Variants in DHX35 observed in about 807,000 individuals in gnomAD.
The protein encoded by DHX35 is DEAH-box helicase 35.
DHX35 carries 84 observed loss-of-function variants against 99.6 expected under a neutral mutation model. The observed-to-expected ratio is 0.84, with a 90% confidence interval of 0.71 to 1.01. DHX35 has a LOEUF of 1.01. Ranked by LOEUF, DHX35 falls within the 50% of genes least tolerant of loss-of-function variation. The probability of loss-of-function intolerance (pLI) is 0.00; values close to 1 mark genes in which losing one functional copy is unlikely to be tolerated. For missense variants in DHX35, 852 were observed against 888.5 expected, an observed-to-expected ratio of 0.96 and a Z score of 0.52; for synonymous variants, 331 against 316.2, an observed-to-expected ratio of 1.05 and a Z score of -0.50.
intron 18 of DHX35, among the ~76,000 whole-genome samples, chr20:39,027,868 A>G (rs1367183963): frequency 6.6e-6 from 1 of 152,282 alleles, no homozygotes; most frequent in Non-Finnish European, 1.5e-5. Flanking sequence ...TCCTATGGAC[A>G]TCATCTAATA....
chr20:38,974,009 C>G (rs1451890712), intron 3 of DHX35, among the ~76,000 whole-genome samples: 1 of 152,204 alleles, frequency 6.6e-6, no homozygotes. Flanking sequence ...TGTGAACATT[C>G]ATGTGCTTGT....
intron 6 of DHX35, 40 bp from the exon 7 acceptor site, chr20:38,992,315 CT>C (rs752610661): frequency 6.3e-7 from 1 of 1,587,318 alleles, no homozygotes; most frequent in South Asian, 1.1e-5. Flanking sequence ...TGATGTGTGG[CT>C]TTTTTAGAGG....
chr20:39,031,503 A>G (rs2087052866), intron 20 of DHX35, among the ~76,000 whole-genome samples: 1 of 151,850 alleles, frequency 6.6e-6, no homozygotes, highest in Non-Finnish European at 1.5e-5. Flanking sequence ...CGCCTGGCTA[A>G]TTTTTGTATT....
intron 2 of DHX35, among the ~76,000 whole-genome samples, chr20:38,972,030 A>T (rs2086008772): frequency 9.0e-6 from 1 of 110,800 alleles, no homozygotes; most frequent in African/African-American, 3.6e-5. Context: ...TTTTTTTGAG[A>T]CAGAGTCTCA....
intron 21 of DHX35, among the ~76,000 whole-genome samples, chr20:39,037,421 A>G (rs2145956721): frequency 1.3e-5 from 2 of 152,292 alleles, no homozygotes; most frequent in South Asian, 2.1e-4. Flanking sequence ...GCAGATGGAA[A>G]GTCTGAGTTC....
At chr20:39,015,009 T>C (rs895848081) in intron 14 of DHX35, 75 bp downstream of exon 14, 4 of 1,530,790 alleles carry the variant, frequency 2.6e-6, no homozygotes, top group Non-Finnish European at 3.6e-6. Flanking sequence ...ATATTCACTT[T>C]AGGGATTTTA....
intron 21 of DHX35, among the ~76,000 whole-genome samples, chr20:39,034,774 C>CTTTTTTTTTTTTTTTTTTTTTTT (rs59858652): frequency 1.5e-5 from 2 of 135,114 alleles, no homozygotes; most frequent in African/African-American, 2.7e-5. Flanking sequence ...TTTCTTTTTT[C>CTTTTTTTTTTTTTTTTTTTTTTT]TTTTTTTTTT....
At chr20:38,968,340 C>G in intron 1 of DHX35, among the ~76,000 whole-genome samples, 1 of 152,160 alleles carries the variant, frequency 6.6e-6, no homozygotes, top group Non-Finnish European at 1.5e-5. Context: ...CTTTGAGTGC[C>G]CAGTTTCTGT....
Position 39,025,357 on chromosome 20 carries a change from A to C in DHX35, c.1799A>C (p.Glu600Ala). 6.2e-7 allele frequency: 1 copy of C among 1,613,062 alleles called. No individual in the cohort carries two copies. Reference protein sequence around the residue: ...VKFQVPRKSSEGDPDLVLRCI... With the variant: ...VKFQVPRKSSAGDPDLVLRCI... Reference sequence around the variant, plus strand: ...TTTCAAGTGCCCAGGAAGTCTAGTGAAGGTGAGAAGAAACCGTCCCAGCTG... The same window carrying C: ...TTTCAAGTGCCCAGGAAGTCTAGTGCAGGTGAGAAGAAACCGTCCCAGCTG... The change falls in exon 18 of 22, where the codon GAA becomes GCA. Residue 600 changes from glutamate to alanine, a missense_variant and splice_region_variant. Physicochemically the swap from Glu to Ala is moderately radical, Grantham distance 107. Transcript: ENST00000252011.
intron 2 of DHX35, among the ~76,000 whole-genome samples, chr20:38,971,575 T>G (rs1396601148): frequency 6.6e-6 from 1 of 152,162 alleles, no homozygotes; most frequent in East Asian, 1.9e-4. Flanking sequence ...GCTTTGTATA[T>G]TGTCCTTAGT....
At chr20:38,964,231 CA>C (rs2085877168) in intron 1 of DHX35, among the ~76,000 whole-genome samples, 1 of 152,120 alleles carries the variant, frequency 6.6e-6, no homozygotes, top group South Asian at 2.1e-4. Context: ...GCAAAGGGTG[CA>C]GCATGAACAA....
intron 21 of DHX35, among the ~76,000 whole-genome samples, chr20:39,037,046 C>G (rs2087165358): frequency 6.6e-6 from 1 of 152,184 alleles, no homozygotes; most frequent in African/African-American, 2.4e-5. Context: ...GAATGTTGCT[C>G]TCACCCTGTG....
Position 38,988,876 on chromosome 20 carries a change from C to T in DHX35, c.409C>T (p.Arg137Cys), listed in dbSNP as rs745898771. ...VLGHEVGYCI[R>C]FDDCTDQLAT... is the part of the protein sequence containing the mutation. Reference sequence around the variant, plus strand: ...GGGCCACGAGGTGGGCTACTGCATCCGCTTTGATGACTGCACCGACCAGCT... The same window carrying T: ...GGGCCACGAGGTGGGCTACTGCATCTGCTTTGATGACTGCACCGACCAGCT... Residue 137 changes from arginine to cysteine, a missense_variant, in exon 5 of 22, where the codon CGC becomes TGC. Coordinates refer to ENST00000252011, the MANE Select transcript of DHX35 (RefSeq NM_021931.4). The T allele has an allele frequency of 3.7e-5, 59 of 1,613,618 alleles. No homozygotes were observed. The highest frequency in any genetic ancestry group is 5.5e-5 in the South Asian group (5 of 91,066).
rs2086620512 is a variant in DHX35 at position 39,006,453 on chromosome 20, T to A, written c.1222+97T>A. On this transcript the variant is annotated intron_variant, in intron 12 of 21. Coordinates refer to ENST00000252011, the MANE Select transcript of DHX35 (RefSeq NM_021931.4). ...TTACTCCTAATGGTAGAACTTAACA[T>A]AAAATACAGGCCTTCCTCACAAGGC... 7.6e-6 allele frequency: 10 copies of A among 1,324,292 alleles called. 1 individual carries two copies. Among genetic ancestry groups the A allele is most frequent in the East Asian group, 4.7e-5 (2 of 42,466 alleles). 82.0% of individuals were successfully genotyped at this position (1,324,292 alleles called of 1,614,324 possible).
intron 18 of DHX35, among the ~76,000 whole-genome samples, chr20:39,027,238 G>T (rs2086971441): frequency 6.6e-6 from 1 of 152,168 alleles, no homozygotes; most frequent in Non-Finnish European, 1.5e-5. Flanking sequence ...TATCAGCTCA[G>T]TGCTTAGGAA....
At chr20:38,969,533 C>T (rs918756206) in intron 2 of DHX35, among the ~76,000 whole-genome samples, 7 of 152,136 alleles carry the variant, frequency 4.6e-5, no homozygotes, top group African/African-American at 1.7e-4. Flanking sequence ...CAGTTAATTT[C>T]TATATAACAG....
At chr20:38,972,236 C>T (rs2086012539) in intron 2 of DHX35, among the ~76,000 whole-genome samples, 1 of 152,086 alleles carries the variant, frequency 6.6e-6, no homozygotes, top group African/African-American at 2.4e-5. Flanking sequence ...TCTTGAACTC[C>T]TGACCTCATG....
intron 14 of DHX35, 139 bp downstream of exon 14, chr20:39,015,073 A>T: frequency 1.0e-6 from 1 of 978,670 alleles, no homozygotes; most frequent in Admixed American, 2.4e-5. Context: ...CCCTAATGAT[A>T]CTTTATTGAA....
At chr20:38,966,219 CCCTT>C (rs1307668348) in intron 1 of DHX35, among the ~76,000 whole-genome samples, 1 of 152,226 alleles carries the variant, frequency 6.6e-6, no homozygotes, top group Non-Finnish European at 1.5e-5. Flanking sequence ...AGTTGTTACT[CCCTT>C]AAGCATAGAG....
Sources: allele counts gnomAD v4.1 joint callset (sites outside exome capture counted in the v4.1 genomes callset), GRCh38; gene constraint gnomAD v4.1.1; transcripts MANE v1.5; gene names NCBI Gene and HGNC (gene_info 2026-07-23, HGNC 2026-07-21).